Variants in ROBO2 observed in about 807,000 individuals in gnomAD.
The protein encoded by ROBO2 is roundabout homolog 2.
In ROBO2, 53 loss-of-function variants were observed where a neutral mutation model predicts 160.8. The ratio of observed to expected loss-of-function variants is 0.33; its 90% CI spans 0.26 to 0.41. The LOEUF (loss-of-function observed/expected upper bound fraction) is 0.41, where lower values mean the gene tolerates loss of function less well. ROBO2 is among the 10% of genes least tolerant of loss of function. The pLI is 1.00. For missense variants in ROBO2, 1,577 were observed against 1,722.4 expected (o/e 0.92, Z 1.49); for synonymous variants, 664 against 611.7 (o/e 1.09, Z -1.26).
At chr3:76,678,316 A>G (rs1202632939) in intron 2 of ROBO2, among the ~76,000 whole-genome samples, 2 of 152,030 alleles carry the variant, frequency 1.3e-5, no homozygotes, top group African/African-American at 2.4e-5. Flanking sequence ...TCATTTATTC[A>G]TAGTCTATAT....
chr3:77,007,336 A>G (rs1445993078), intron 2 of ROBO2, among the ~76,000 whole-genome samples: 2 of 152,110 alleles, frequency 1.3e-5, no homozygotes, highest in South Asian at 4.1e-4. Flanking sequence ...CTTTTATTAT[A>G]TATTTTTTTC....
intron 2 of ROBO2, among the ~76,000 whole-genome samples, chr3:76,244,513 A>C (rs1705497430): frequency 6.6e-6 from 1 of 152,098 alleles, no homozygotes; most frequent in South Asian, 2.1e-4. Flanking sequence ...TAATTGTGGC[A>C]TTACATTTCC....
At chr3:76,210,268 C>A (rs1703062201) in intron 2 of ROBO2, among the ~76,000 whole-genome samples, 1 of 151,910 alleles carries the variant, frequency 6.6e-6, no homozygotes, top group Admixed American at 6.6e-5. Flanking sequence ...TGTATTTGAC[C>A]CTTTTCCAAA....
intron 2 of ROBO2, among the ~76,000 whole-genome samples, chr3:76,275,311 T>A (rs968217600): frequency 1.3e-5 from 2 of 152,176 alleles, no homozygotes; most frequent in African/African-American, 4.8e-5. Flanking sequence ...CTTTAAGTTT[T>A]AGGGTACATG....
chr3:77,063,687 G>A (rs2066547172), intron 1 of ROBO2, among the ~76,000 whole-genome samples: 1 of 152,168 alleles, frequency 6.6e-6, no homozygotes, highest in East Asian at 1.9e-4. Context: ...CTGTAGCAAA[G>A]CAACGTATAC....
At chr3:76,233,860 G>T (rs567884401) in intron 2 of ROBO2, among the ~76,000 whole-genome samples, 1 of 152,172 alleles carries the variant, frequency 6.6e-6, no homozygotes, top group Admixed American at 6.5e-5. Context: ...GTGCAGCTTT[G>T]TTATACAGGT....
intron 2 of ROBO2, among the ~76,000 whole-genome samples, chr3:76,202,425 A>G (rs974456975): frequency 3.3e-5 from 5 of 152,210 alleles, no homozygotes; most frequent in African/African-American, 7.2e-5. Flanking sequence ...CTATTTAATA[A>G]TACTGCTTAT....
At chr3:76,428,293 C>T (rs772970501) in intron 2 of ROBO2, among the ~76,000 whole-genome samples, 1 of 151,986 alleles carries the variant, frequency 6.6e-6, no homozygotes, top group Non-Finnish European at 1.5e-5. Context: ...ATTGTTTAAC[C>T]CTGTGGATAC....
intron 2 of ROBO2, among the ~76,000 whole-genome samples, chr3:76,629,192 A>T (rs2089867820): frequency 6.6e-6 from 1 of 152,204 alleles, no homozygotes; most frequent in South Asian, 2.1e-4. Context: ...CTTGGATGTA[A>T]GGAGGGTGAG....
At chr3:76,506,802 T>C (rs972529257) in intron 2 of ROBO2, among the ~76,000 whole-genome samples, 1 of 152,192 alleles carries the variant, frequency 6.6e-6, no homozygotes, top group African/African-American at 2.4e-5. Flanking sequence ...GAGTGATCCC[T>C]GATTCATGAA....
intron 2 of ROBO2, among the ~76,000 whole-genome samples, chr3:76,680,113 A>G (rs1229475708): frequency 1.3e-5 from 2 of 152,150 alleles, no homozygotes; most frequent in Non-Finnish European, 2.9e-5. Context: ...AAGAAATCTA[A>G]CTTTGGCACC....
At chr3:77,598,234 T>C (rs535493868) in intron 19 of ROBO2, among the ~76,000 whole-genome samples, 50 of 152,072 alleles carry the variant, frequency 3.3e-4, no homozygotes, top group African/African-American at 1.1e-3. Context: ...ATTCATAGCA[T>C]GTTCTCTTTA....
intron 2 of ROBO2, among the ~76,000 whole-genome samples, chr3:76,773,258 A>C (rs974371751): frequency 3.3e-5 from 5 of 150,750 alleles, no homozygotes; most frequent in African/African-American, 1.2e-4. Flanking sequence ...TTAAAGTCTG[A>C]TTACATTAAT....
At chr3:77,522,896 G>T in exon 6 of ROBO2, 1 of 1,609,070 alleles carries the variant, frequency 6.2e-7, no homozygotes, top group Non-Finnish European at 8.5e-7. Flanking sequence ...TACACTCACC[G>T]TCCGAGGTAA....
chr3:76,445,330 G>C (rs1332971513), intron 2 of ROBO2, among the ~76,000 whole-genome samples: 1 of 152,146 alleles, frequency 6.6e-6, no homozygotes, highest in Non-Finnish European at 1.5e-5. Flanking sequence ...ATAGTCACTT[G>C]AAATTGAGAG....
At position 77,335,954 on chromosome 3, in the gene ROBO2, T is replaced by A. The variant is rs543375502; in HGVS notation, c.389-141460T>A. On this transcript the variant is annotated intron_variant, in intron 2 of 25. Transcript: ENST00000461745. ...AACCTCAGAAATTAAATGTTGAAATTGTCATAATGGAGGTATATGCAAGGT... is the reference window on the plus strand; with the variant it reads ...AACCTCAGAAATTAAATGTTGAAATAGTCATAATGGAGGTATATGCAAGGT... 2.6e-5 allele frequency among the ~76,000 whole-genome samples: 4 copies of A among 152,220 alleles called. No individual in the cohort carries two copies. In the South Asian group the frequency reaches 8.3e-4, roughly 32 times the overall value.
chr3:77,220,063 T>G (rs2151187772), intron 2 of ROBO2, among the ~76,000 whole-genome samples: 1 of 152,074 alleles, frequency 6.6e-6, no homozygotes, highest in South Asian at 2.1e-4. Context: ...CAGGCTGGAG[T>G]GCAGTGGTGC....
chr3:77,007,624 A>G (rs2061649954), intron 2 of ROBO2, among the ~76,000 whole-genome samples: 1 of 152,130 alleles, frequency 6.6e-6, no homozygotes, highest in African/African-American at 2.4e-5. Context: ...AAATATTTTC[A>G]TGGCAGTAAA....
intron 2 of ROBO2, among the ~76,000 whole-genome samples, chr3:76,102,526 G>T (rs1266937011): frequency 1.3e-5 from 2 of 152,116 alleles, no homozygotes; most frequent in South Asian, 2.1e-4. Context: ...TAACAGAAAA[G>T]TCATACTCAC....
Sources: gnomAD v4.1 joint callset for allele counts (sites outside exome capture counted in the v4.1 genomes callset) on GRCh38, gnomAD v4.1.1 for gene constraint, MANE v1.5 for transcripts, NCBI Gene and HGNC (gene_info 2026-07-23, HGNC 2026-07-21) for gene names.